KIAA1217: variants seen among roughly 807,000 people sequenced by gnomAD.
The protein encoded by KIAA1217 is sickle tail protein homolog.
A neutral mutation model predicts 163.9 loss-of-function variants in KIAA1217; 88 were observed. The observed-to-expected ratio is 0.54, with a 90% CI of 0.45 to 0.64. The LOEUF is 0.64. Among genes scored for constraint, KIAA1217 ranks in the 30% least tolerant of loss-of-function variants. The pLI is 0.00. For missense variants in KIAA1217, 2,372 were observed against 2,475.0 expected, an observed-to-expected ratio of 0.96 and a Z score of 0.88; for synonymous variants, 903 against 923.1, an observed-to-expected ratio of 0.98 and a Z score of 0.39.
chr10:23,968,907 T>C (rs1564573638), intron 1 of KIAA1217, among the ~76,000 whole-genome samples: 1 of 152,254 alleles, frequency 6.6e-6, no homozygotes, highest in Non-Finnish European at 1.5e-5. Flanking sequence ...TTCTCCTATT[T>C]GACCATTATG....
chr10:24,526,364 G>A (rs2072180902), intron 13 of KIAA1217, among the ~76,000 whole-genome samples: 1 of 152,208 alleles, frequency 6.6e-6, no homozygotes, highest in South Asian at 2.1e-4. Context: ...GTGATTGACA[G>A]AGTGTGATTC....
In KIAA1217 at chr10:23,725,056, C is replaced by T. The variant is rs551610042; in HGVS notation, c.-321+29822C>T. On this transcript the variant is annotated intron_variant, in intron 1 of 18. Transcript: ENST00000376462. ...TTATGACAACCTTTCATACAAGGTG[C>T]CTCCCCTCTGGCCTGCCTATGTCAT... is the stretch of plus-strand genomic sequence containing the variant. 2.0e-5 allele frequency among the ~76,000 whole-genome samples: 3 copies of T among 152,240 alleles called. No homozygotes were observed. In the South Asian group the frequency reaches 6.2e-4, roughly 32 times the overall value.
intron 1 of KIAA1217, among the ~76,000 whole-genome samples, chr10:23,991,669 G>A (rs1019120815): frequency 3.9e-5 from 6 of 152,002 alleles, no homozygotes; most frequent in East Asian, 3.9e-4. Flanking sequence ...GTATCTATCC[G>A]CATTTCACGT....
intron 2 of KIAA1217, among the ~76,000 whole-genome samples, chr10:24,322,410 T>C (rs1372544221): frequency 6.6e-6 from 1 of 152,144 alleles, no homozygotes; most frequent in African/African-American, 2.4e-5. Flanking sequence ...GTGTAACCAA[T>C]GTGTCAGGAT....
At chr10:23,981,496 T>C (rs902511659) in intron 1 of KIAA1217, among the ~76,000 whole-genome samples, 9 of 152,246 alleles carry the variant, frequency 5.9e-5, no homozygotes, top group African/African-American at 2.2e-4. Context: ...ATTTTGAGTC[T>C]GCAAGTCTTT....
intron 1 of KIAA1217, among the ~76,000 whole-genome samples, chr10:23,702,709 A>AC (rs61027637): frequency 1.3e-3 from 192 of 151,246 alleles, no homozygotes; most frequent in African/African-American, 4.4e-3. Flanking sequence ...ACACACACAC[A>AC]AATATATTGT....
chr10:24,490,779 A>AG (rs1234711386), intron 6 of KIAA1217, among the ~76,000 whole-genome samples: 5 of 152,140 alleles, frequency 3.3e-5, no homozygotes, highest in Admixed American at 6.5e-5. Context: ...TGAACTCTCC[A>AG]GGGGGGATGT....
In KIAA1217 at chr10:24,184,172, A is replaced by G. The variant is rs2066313698; in HGVS notation, c.-170-35454A>G. 2.6e-5 allele frequency among the ~76,000 whole-genome samples: 4 copies of G among 152,236 alleles called. No homozygotes were observed. The South Asian group carries it at 8.3e-4, about 31-fold the overall frequency. On this transcript the variant is annotated intron_variant, in intron 2 of 18. Transcript: ENST00000376462. ...GGATATGTGCTGTTTTTAAAGCTCAAGCTTTCCAGGGTGGGTGGAATGTGT... is the reference window on the plus strand; with the variant it reads ...GGATATGTGCTGTTTTTAAAGCTCAGGCTTTCCAGGGTGGGTGGAATGTGT...
At chr10:24,482,972 A>T in intron 6 of KIAA1217, 1 of 148,486 alleles carries the variant, frequency 6.7e-6, no homozygotes, top group East Asian at 2.1e-4. Context: ...GTGAGCTATG[A>T]TTGCACTACT....
chr10:23,881,768 T>C (rs576791915), intron 1 of KIAA1217, among the ~76,000 whole-genome samples: 1 of 152,006 alleles, frequency 6.6e-6, no homozygotes, highest in Non-Finnish European at 1.5e-5. Context: ...TACCTCCTGA[T>C]TGGATGAGGA....
At chr10:23,763,211 C>T (rs1354200631) in intron 1 of KIAA1217, among the ~76,000 whole-genome samples, 2 of 152,166 alleles carry the variant, frequency 1.3e-5, no homozygotes, top group African/African-American at 4.8e-5. Flanking sequence ...AGATTCAATG[C>T]TGTTTCCATC....
intron 5 of KIAA1217, among the ~76,000 whole-genome samples, chr10:24,470,768 G>T (rs1469846579): frequency 6.6e-6 from 1 of 152,104 alleles, no homozygotes; most frequent in Non-Finnish European, 1.5e-5. Flanking sequence ...CCCTTTTGTT[G>T]CTACATATTA....
chr10:23,714,184 A>G (rs16923686), intron 1 of KIAA1217, among the ~76,000 whole-genome samples: 10,380 of 152,004 alleles, frequency 0.068, 1,195 homozygotes, highest in African/African-American at 0.23. Flanking sequence ...CTTCCCCGCT[A>G]TCCTGTTTGT....
chr10:24,528,200 T>C, intron 14 of KIAA1217, 81 bp downstream of exon 14: 1 of 1,116,402 alleles, frequency 9.0e-7, no homozygotes, highest in Non-Finnish European at 1.3e-6. Flanking sequence ...CAGCACATAC[T>C]CATCAACAGA....
intron 1 of KIAA1217, among the ~76,000 whole-genome samples, chr10:23,803,394 G>A (rs531223633): frequency 5.9e-5 from 9 of 152,298 alleles, no homozygotes; most frequent in African/African-American, 1.9e-4. Context: ...GGCAGCCCCC[G>A]TCCTATGACC....
In KIAA1217 at chr10:23,870,184, C is replaced by G. The variant is rs575402674; in HGVS notation, c.-320-137041C>G. Among the ~76,000 whole-genome samples the G allele has an allele frequency of 3.3e-5, 5 of 152,194 alleles. No homozygotes were observed. In the East Asian group the frequency reaches 9.7e-4, roughly 30 times the overall value. On this transcript the variant is annotated intron_variant, in intron 1 of 18. Transcript: ENST00000376462. ...CTAGCATTCCTTCTGATTAGTTACTCTCTATGCAGGAACACGTGAGGATTT... is the reference window on the plus strand; with the variant it reads ...CTAGCATTCCTTCTGATTAGTTACTGTCTATGCAGGAACACGTGAGGATTT...
intron 1 of KIAA1217, among the ~76,000 whole-genome samples, chr10:23,782,787 A>G (rs1388708575): frequency 6.6e-6 from 1 of 152,202 alleles, no homozygotes; most frequent in Non-Finnish European, 1.5e-5. Flanking sequence ...GCAAATAAAA[A>G]TAGTTTTACT....
chr10:23,858,653 G>C (rs375239176), intron 1 of KIAA1217, among the ~76,000 whole-genome samples: 1 of 151,688 alleles, frequency 6.6e-6, no homozygotes, highest in African/African-American at 2.4e-5. Flanking sequence ...AGTCATAATC[G>C]GGCTCCCCAT....
chr10:23,769,516 C>T (rs569760173), intron 1 of KIAA1217, among the ~76,000 whole-genome samples: 4 of 152,214 alleles, frequency 2.6e-5, no homozygotes, highest in South Asian at 2.1e-4. Context: ...AGGCAAGAAG[C>T]GGGTTTGTTT....
Sources: gnomAD v4.1 joint callset for allele counts (sites outside exome capture counted in the v4.1 genomes callset) on GRCh38, gnomAD v4.1.1 for gene constraint, MANE v1.5 for transcripts, NCBI Gene and HGNC (gene_info 2026-07-23, HGNC 2026-07-21) for gene names.